Variants in ADGRF1 observed in about 807,000 individuals in gnomAD.
ADGRF1 encodes the protein adhesion G protein-coupled receptor F1, also known as G protein-coupled receptor 110.
ADGRF1 carries 85 observed loss-of-function variants against 87.2 expected under a neutral mutation model. The observed-to-expected ratio is 0.97, with a 90% confidence interval of 0.82 to 1.17. The LOEUF is 1.17. Among genes scored for constraint, ADGRF1 ranks in the 50% most tolerant of loss-of-function variants. The probability of loss-of-function intolerance (pLI) is 0.00; values close to 1 mark genes in which losing one functional copy is unlikely to be tolerated. For missense variants in ADGRF1, 1,169 were observed against 1,077.2 expected (o/e 1.09, Z -1.19); for synonymous variants, 430 against 408.8 (o/e 1.05, Z -0.63).
At position 47,015,852 on chromosome 6, in the gene ADGRF1, C is replaced by T. The variant is rs1478992736; in HGVS notation, c.763+765G>A. Among the ~76,000 whole-genome samples the T allele has an allele frequency of 2.6e-5, 4 of 151,878 alleles. No homozygotes were observed. In the East Asian group the frequency reaches 7.7e-4, roughly 29 times the overall value. The stretch of plus-strand genomic sequence containing the variant: ...ATCTCAGGCAATCTGCCCTCTTTGG[C>T]CTCCCAAAGTTTTGGGATTACAGGC... On this transcript the variant is annotated intron_variant, in intron 8 of 14. Coordinates refer to ENST00000371253, the MANE Select transcript of ADGRF1 (RefSeq NM_153840.4).
rs140931762 is a variant in ADGRF1 at position 47,008,998 on chromosome 6, C to T, written c.2437G>A (p.Asp813Asn). 6.2e-7 allele frequency: 1 copy of T among 1,612,388 alleles called. No homozygotes were observed. Among genetic ancestry groups the T allele is most frequent in the Admixed American group, 1.7e-5 (1 of 59,910 alleles). The change falls in exon 11 of 15, where the codon GAC (aspartate) becomes AAC (asparagine). Residue 813 changes from aspartate to asparagine, a missense_variant. By Grantham distance (23) the Asp-to-Asn change is conservative. Coordinates refer to ENST00000371253, the MANE Select transcript of ADGRF1 (RefSeq NM_153840.4). ...ACATGCCAAGCCAGATTCTGGCTGT[C>T]CACTATTGTTCCTATTCCAAAGCCC... ...TWGFGIGTIV[D>N]SQNLAWHVIF...
Position 47,011,149 on chromosome 6 carries a change from T to C in ADGRF1, c.1117-831A>G, listed in dbSNP as rs368252081. Among the ~76,000 whole-genome samples the C allele has an allele frequency of 5.9e-5, 9 of 152,338 alleles. No individual in the cohort carries two copies. In the South Asian group the frequency reaches 1.9e-3, roughly 32 times the overall value. The stretch of plus-strand genomic sequence containing the variant: ...TTGTTTTCACTCTTCATTTTATTTT[T>C]AGCATTTTTGTGTCATTTTGTTTCA... On this transcript the variant is annotated intron_variant, in intron 10 of 14. Coordinates refer to ENST00000371253, the MANE Select transcript of ADGRF1 (RefSeq NM_153840.4).
At chr6:47,037,718 G>A (rs995361282) in intron 1 of ADGRF1, among the ~76,000 whole-genome samples, 6 of 151,992 alleles carry the variant, frequency 3.9e-5, no homozygotes, top group Non-Finnish European at 1.5e-5. Context: ...TTGACATATT[G>A]TTCACACTGG....
intron 8 of ADGRF1, among the ~76,000 whole-genome samples, chr6:47,015,806 C>T (rs145041058): frequency 0.027 from 4,090 of 151,476 alleles, 196 homozygotes; most frequent in African/African-American, 0.094. Flanking sequence ...CCATGTTGGC[C>T]AGGCTGGTCT....
At position 47,010,114 on chromosome 6, in the gene ADGRF1, G is replaced by A. The variant is rs1459271660; in HGVS notation, c.1321C>T (p.Leu441Phe). 3.7e-6 allele frequency: 6 copies of A among 1,614,042 alleles called. No homozygotes were observed. The highest frequency in any genetic ancestry group is 2.7e-5 in the African/African-American group (2 of 74,926). The change falls in exon 11 of 15, where the codon CTC becomes TTC. Residue 441 changes from leucine to phenylalanine, a missense_variant. Coordinates refer to ENST00000371253, the MANE Select transcript of ADGRF1 (RefSeq NM_153840.4). ...ATCTGATAGCTGTAACCCCTTTTGA[G>A]TTGGCTTTTGTTCACTGGAATCCCT... is the stretch of plus-strand genomic sequence containing the variant. ...WKGIPVNKSQLKRGYSYQIKM... is the reference protein window; with the variant it reads ...WKGIPVNKSQFKRGYSYQIKM...
intron 5 of ADGRF1, among the ~76,000 whole-genome samples, 179 bp from the exon 6 acceptor site, chr6:47,022,237 G>A (rs1409971942): frequency 6.6e-6 from 1 of 152,172 alleles, no homozygotes. Context: ...CAGAGTTTCT[G>A]ACTGCAGATT....
intron 14 of ADGRF1, among the ~76,000 whole-genome samples, chr6:47,000,680 T>C (rs898153738): frequency 1.3e-5 from 2 of 152,100 alleles, no homozygotes; most frequent in African/African-American, 4.8e-5. Context: ...CTGGTGGCAA[T>C]AACAACAGAA....
intron 1 of ADGRF1, among the ~76,000 whole-genome samples, chr6:47,041,079 C>T (rs960209484): frequency 4.6e-5 from 7 of 152,190 alleles, no homozygotes; most frequent in African/African-American, 1.2e-4. Context: ...CCAATCTTAA[C>T]GCTTATTGGC....
chr6:47,020,737 T>A lies in ADGRF1; in HGVS notation c.605A>T (p.Gln202Leu). The A allele has an allele frequency of 6.2e-7, 1 of 1,613,956 alleles. No individual in the cohort carries two copies. The change falls in exon 7 of 15, where the codon CAA becomes CTA. Residue 202 changes from glutamine to leucine, a missense_variant. By Grantham distance (113) the Gln-to-Leu change is moderately radical. Transcript: ENST00000371253. ...IQGFESVQVT[Q>L]FRNGSIVAGY... ...AGACCATTGTGTTACTTACCGAAAT[T>A]GGGTGACCTGAACCGACTCAAAACC...
chr6:47,026,829 G>C (rs1227401406), intron 3 of ADGRF1, among the ~76,000 whole-genome samples: 1 of 152,142 alleles, frequency 6.6e-6, no homozygotes, highest in African/African-American at 2.4e-5. Flanking sequence ...CCAGGCATTG[G>C]AAGTCCCCTC....
intron 4 of ADGRF1, among the ~76,000 whole-genome samples, chr6:47,024,605 C>T (rs1389533772): frequency 2.6e-5 from 4 of 152,296 alleles, no homozygotes; most frequent in East Asian, 1.9e-4. Context: ...TGAGCCACCG[C>T]GCCTGACCCT....
At chr6:47,025,209 C>T (rs1780192965) in intron 4 of ADGRF1, among the ~76,000 whole-genome samples, 1 of 152,046 alleles carries the variant, frequency 6.6e-6, no homozygotes, top group Admixed American at 6.6e-5. Flanking sequence ...GTGAAAATAC[C>T]CATGGTGTGC....
At chr6:47,016,838 G>A in intron 7 of ADGRF1, 70 bp from the exon 8 acceptor site, 2 of 1,474,890 alleles carry the variant, frequency 1.4e-6, no homozygotes, top group East Asian at 4.7e-5. Flanking sequence ...GGCCTATGCT[G>A]TGTGTACATG....
chr6:47,018,680 G>A (rs1779951115), intron 7 of ADGRF1: 2 of 1,029,618 alleles, frequency 1.9e-6, no homozygotes, highest in South Asian at 1.4e-5. Context: ...GGGAGGCCAA[G>A]GTGTGTGGGT....
At chr6:47,019,284 A>C in intron 7 of ADGRF1, 1 of 969,688 alleles carries the variant, frequency 1.0e-6, no homozygotes, top group Non-Finnish European at 1.2e-6. Flanking sequence ...TCAATATAAA[A>C]AAAAGCAGTG....
intron 1 of ADGRF1, among the ~76,000 whole-genome samples, chr6:47,041,660 G>A (rs1780745749): frequency 6.6e-6 from 1 of 152,122 alleles, no homozygotes; most frequent in South Asian, 2.1e-4. Flanking sequence ...AGGGTTTTTT[G>A]GAGTCCTGGG....
intron 1 of ADGRF1, among the ~76,000 whole-genome samples, chr6:47,030,164 A>C (rs1475244305): frequency 6.6e-6 from 1 of 152,146 alleles, no homozygotes; most frequent in African/African-American, 2.4e-5. Flanking sequence ...CCTCTAATCT[A>C]AAAAGCCGAG....
intron 2 of ADGRF1, among the ~76,000 whole-genome samples, chr6:47,028,129 G>A (rs1362466932): frequency 1.3e-5 from 2 of 152,114 alleles, no homozygotes; most frequent in Non-Finnish European, 2.9e-5. Flanking sequence ...GCTTTGAACA[G>A]GGGAAAAACA....
chr6:47,000,367 T>G (rs1395057446), intron 14 of ADGRF1, 72 bp from the exon 15 acceptor site: 2 of 1,108,930 alleles, frequency 1.8e-6, no homozygotes, highest in Non-Finnish European at 2.7e-6. Context: ...AAATGAAAAT[T>G]AGCCTGTAGA....
Sources: gnomAD v4.1 joint callset for allele counts (sites outside exome capture counted in the v4.1 genomes callset) on GRCh38, gnomAD v4.1.1 for gene constraint, MANE v1.5 for transcripts, NCBI Gene and HGNC (gene_info 2026-07-23, HGNC 2026-07-21) for gene names.